The following SLC43A1 variants were observed in gnomAD, a reference collection of about 807,000 sequenced individuals.
The protein encoded by SLC43A1 is solute carrier family 43 member 1, also known as large neutral amino acids transporter small subunit 3.
SLC43A1 carries 31 observed loss-of-function variants against 59.5 expected under a neutral mutation model. That is an observed-to-expected ratio of 0.52 (90% CI 0.39 to 0.70). The LOEUF is 0.70. Ranked by LOEUF, SLC43A1 falls within the 30% of genes least tolerant of loss-of-function variation. SLC43A1 has a pLI of 0.00. For missense variants in SLC43A1, 598 were observed against 717.8 expected (o/e 0.83, Z 1.91); for synonymous variants, 259 against 290.9 (o/e 0.89, Z 1.12).
intron 8 of SLC43A1, among the ~76,000 whole-genome samples, chr11:57,493,124 T>C (rs571275905): frequency 7.1e-4 from 108 of 152,250 alleles, no homozygotes; most frequent in African/African-American, 2.5e-3. Context: ...CCCCATTTAA[T>C]AAAATCTTAC....
intron 2 of SLC43A1, among the ~76,000 whole-genome samples, chr11:57,504,300 G>A (rs1034868138): frequency 3.9e-5 from 6 of 152,138 alleles, no homozygotes; most frequent in South Asian, 2.1e-4. Flanking sequence ...GGTCATACAC[G>A]TCCTCACCTC....
intron 11 of SLC43A1, among the ~76,000 whole-genome samples, chr11:57,490,803 T>C (rs769254844): frequency 2.0e-5 from 3 of 152,234 alleles, no homozygotes; most frequent in Non-Finnish European, 4.4e-5. Context: ...ATATCTAATA[T>C]ACCAACTCTA....
intron 7 of SLC43A1, among the ~76,000 whole-genome samples, chr11:57,494,968 C>T (rs997972728): frequency 6.6e-6 from 1 of 151,796 alleles, no homozygotes; most frequent in African/African-American, 2.4e-5. Context: ...CCTGCCTCAG[C>T]CTCCTGACTA....
intron 2 of SLC43A1, among the ~76,000 whole-genome samples, chr11:57,507,869 C>T (rs915410768): frequency 2.6e-5 from 4 of 152,188 alleles, no homozygotes; most frequent in Non-Finnish European, 5.9e-5. Flanking sequence ...CAATCCCATC[C>T]GTAGTCTGAA....
chr11:57,503,757 C>A (rs1944327126), intron 2 of SLC43A1, among the ~76,000 whole-genome samples: 1 of 152,234 alleles, frequency 6.6e-6, no homozygotes, highest in South Asian at 2.1e-4. Flanking sequence ...AGAGGCTGCA[C>A]ACCGGTGACC....
At position 57,494,106 on chromosome 11, in the gene SLC43A1, T is replaced by A. The variant is rs1405951366; in HGVS notation, c.758A>T (p.His253Leu). 3 of 1,611,604 alleles carry A rather than the reference T, an allele frequency of 1.9e-6. No homozygotes were observed. Among genetic ancestry groups the A allele is most frequent in the Non-Finnish European group, 2.5e-6 (3 of 1,178,910 alleles). Residue 253 changes from histidine (H) to leucine (L), a missense_variant, in exon 8 of 15, where the codon CAT (histidine) becomes CTT (leucine). His to Leu is a moderately conservative substitution (Grantham distance 99). Transcript: ENST00000278426. ...GAGCCTCTGGCCCATGGTGGTCACA[T>A]GGGTGTAGAAGAGGTCACCTGTCAC... ...HKVTGDLFYTHVTTMGQRLSQ... is the reference protein window; with the variant it reads ...HKVTGDLFYTLVTTMGQRLSQ...
intron 13 of SLC43A1, 86 bp from the exon 14 acceptor site, chr11:57,487,304 C>T (rs1335716693): frequency 1.3e-6 from 2 of 1,516,182 alleles, no homozygotes; most frequent in African/African-American, 1.4e-5. Flanking sequence ...CACCATGGTC[C>T]CCGCTGGCCA....
chr11:57,493,497 C>T (rs895111377), intron 8 of SLC43A1, among the ~76,000 whole-genome samples: 3 of 152,232 alleles, frequency 2.0e-5, no homozygotes, highest in African/African-American at 7.2e-5. Context: ...TCAACTCCCG[C>T]TCCTGACTCC....
At chr11:57,493,959 T>C (rs1299925922) in intron 8 of SLC43A1, 34 bp downstream of exon 8, 1 of 1,542,614 alleles carries the variant, frequency 6.5e-7, no homozygotes, top group Non-Finnish European at 8.7e-7. Flanking sequence ...ACCATCACTA[T>C]CCCCCAAGGC....
At chr11:57,491,467 C>G (rs1943899418) in intron 10 of SLC43A1, 105 bp from the exon 11 acceptor site, 10 of 1,564,474 alleles carry the variant, frequency 6.4e-6, no homozygotes, top group East Asian at 4.5e-5. Context: ...TTCCTCTGAA[C>G]CCAGACTCTT....
chr11:57,489,124 G>T (rs974169000), intron 12 of SLC43A1, 127 bp downstream of exon 12: 1 of 1,450,774 alleles, frequency 6.9e-7, no homozygotes, highest in African/African-American at 1.4e-5. Context: ...ACACTTCCTG[G>T]AGAACCCGGA....
At chr11:57,507,310 A>C (rs1052623888) in intron 2 of SLC43A1, among the ~76,000 whole-genome samples, 3 of 152,172 alleles carry the variant, frequency 2.0e-5, no homozygotes, top group African/African-American at 7.2e-5. Flanking sequence ...TTTACCAAAA[A>C]TACAAAAAAA....
At chr11:57,498,390 G>A (rs1378822914) in intron 5 of SLC43A1, among the ~76,000 whole-genome samples, 1 of 152,020 alleles carries the variant, frequency 6.6e-6, no homozygotes, top group Non-Finnish European at 1.5e-5. Context: ...GCAGTGAGCC[G>A]AGATCGCACC....
At chr11:57,496,682 G>T (rs921641863) in intron 6 of SLC43A1, among the ~76,000 whole-genome samples, 5 of 152,136 alleles carry the variant, frequency 3.3e-5, no homozygotes, top group Non-Finnish European at 7.4e-5. Context: ...TGCAACAACT[G>T]GGGGGGTTGG....
At chr11:57,496,202 C>G in intron 6 of SLC43A1, 38 bp from the exon 7 acceptor site, 2 of 1,610,848 alleles carry the variant, frequency 1.2e-6, no homozygotes, top group African/African-American at 1.3e-5. Flanking sequence ...GGGAGACTGC[C>G]TGGCCCCAGA....
chr11:57,505,548 C>A (rs990867075), intron 2 of SLC43A1, among the ~76,000 whole-genome samples: 2 of 151,816 alleles, frequency 1.3e-5, no homozygotes, highest in African/African-American at 4.8e-5. Flanking sequence ...TAACAAAAAA[C>A]GATACACGTA....
At chr11:57,511,288 T>C (rs1944537451) in intron 2 of SLC43A1, among the ~76,000 whole-genome samples, 1 of 151,766 alleles carries the variant, frequency 6.6e-6, no homozygotes, top group Admixed American at 6.6e-5. Context: ...ATTAGCTGGA[T>C]GTGTTGATGC....
intron 2 of SLC43A1, among the ~76,000 whole-genome samples, chr11:57,504,906 T>C (rs1424241332): frequency 6.6e-6 from 1 of 152,250 alleles, no homozygotes; most frequent in Admixed American, 6.5e-5. Flanking sequence ...TTGATCACTC[T>C]GAGTAGTTGG....
chr11:57,489,328 T>A lies in SLC43A1; in HGVS notation c.1258A>T (p.Ile420Phe), dbSNP rs777643917. ...AGGTTGGTCAGGGTGAAGGCACTGA[T>A]GGCATTGGTGAGCTTTTGGATCTTG... ...YCKIQKLTNA[I>F]SAFTLTNLLL... The change falls in exon 12 of 15, where the codon ATC becomes TTC. Residue 420 changes from isoleucine to phenylalanine, a missense_variant. By Grantham distance (21) the Ile-to-Phe change is conservative (BLOSUM62 0). Coordinates refer to ENST00000278426, the MANE Select transcript of SLC43A1 (RefSeq NM_003627.6). The A allele has an allele frequency of 5.0e-6, 8 of 1,614,056 alleles. No individual in the cohort carries two copies. The South Asian group carries it at 8.8e-5, about 18-fold the overall frequency.
Sources: allele counts gnomAD v4.1 joint callset (sites outside exome capture counted in the v4.1 genomes callset), GRCh38; gene constraint gnomAD v4.1.1; transcripts MANE v1.5; gene names NCBI Gene and HGNC (gene_info 2026-07-23, HGNC 2026-07-21).